TECRL: variants seen among roughly 807,000 people sequenced by gnomAD.
TECRL encodes the protein trans-2,3-enoyl-CoA reductase like.
In TECRL, 63 loss-of-function variants were observed where a neutral mutation model predicts 52.8. The observed-to-expected ratio is 1.19, with a 90% CI of 0.97 to 1.47. The LOEUF (loss-of-function observed/expected upper bound fraction) is 1.47. TECRL is among the 40% of genes most tolerant of loss of function. TECRL has a pLI of 0.00. For synonymous variants in TECRL, 164 were observed against 141.9 expected (o/e 1.16, Z -1.10); for missense variants, 482 against 429.6 (o/e 1.12, Z -1.08).
rs554149887 is a variant in TECRL, at chr4:64,281,257, C to G, written c.919-171G>C. Among the ~76,000 whole-genome samples, 4 of 151,796 alleles carry G rather than the reference C, an allele frequency of 2.6e-5. No homozygotes were observed. The South Asian group carries it at 8.3e-4, about 32-fold the overall frequency. On this transcript the variant is annotated intron_variant, in intron 10 of 11. Transcript: ENST00000381210. ...TTACATATAAAGTCATAAGCAATCT[C>G]ATTAAATGGGATCATATTTATAAGA...
At chr4:64,394,465 C>T (rs1347722360) in intron 1 of TECRL, among the ~76,000 whole-genome samples, 1 of 152,120 alleles carries the variant, frequency 6.6e-6, no homozygotes, top group Non-Finnish European at 1.5e-5. Flanking sequence ...GTAGAAAAGG[C>T]AGCCAAAGGT....
intron 3 of TECRL, among the ~76,000 whole-genome samples, chr4:64,323,961 T>C (rs1352961221): frequency 6.6e-6 from 1 of 152,134 alleles, no homozygotes; most frequent in African/African-American, 2.4e-5. Flanking sequence ...TGTGTGTAGA[T>C]ATTTGAAAGT....
intron 7 of TECRL, among the ~76,000 whole-genome samples, chr4:64,302,791 T>C (rs1377485018): frequency 2.0e-5 from 3 of 151,426 alleles, no homozygotes; most frequent in Non-Finnish European, 4.4e-5. Flanking sequence ...ATTGAAGTGT[T>C]TCATTTCATC....
chr4:64,308,096 G>T (rs1263885954), intron 6 of TECRL, among the ~76,000 whole-genome samples: 1 of 152,126 alleles, frequency 6.6e-6, no homozygotes, highest in Non-Finnish European at 1.5e-5. Flanking sequence ...GGCAGTTAGG[G>T]TTAACACTCC....
intron 2 of TECRL, among the ~76,000 whole-genome samples, chr4:64,356,165 C>A (rs1720755794): frequency 6.6e-6 from 1 of 152,160 alleles, no homozygotes; most frequent in Non-Finnish European, 1.5e-5. Context: ...GGGCACAATG[C>A]ACTGCAGAAA....
intron 4 of TECRL, among the ~76,000 whole-genome samples, chr4:64,317,437 C>A (rs1371210757): frequency 2.0e-5 from 3 of 151,224 alleles, no homozygotes; most frequent in African/African-American, 7.3e-5. Context: ...ATTATTAGGG[C>A]ATTGTTGGAT....
At chr4:64,326,885 G>A (rs114589468) in intron 3 of TECRL, among the ~76,000 whole-genome samples, 245 of 152,200 alleles carry the variant, frequency 1.6e-3, no homozygotes, top group African/African-American at 5.6e-3. Context: ...ATTCTAGTAC[G>A]TATATTTTGG....
chr4:64,333,226 C>A (rs576595665), intron 2 of TECRL, among the ~76,000 whole-genome samples: 126 of 151,672 alleles, frequency 8.3e-4, no homozygotes, highest in African/African-American at 3.0e-3. Context: ...AAATTAATGG[C>A]AATTAAATTA....
intron 1 of TECRL, among the ~76,000 whole-genome samples, chr4:64,389,069 T>G (rs1039078255): frequency 6.6e-6 from 1 of 151,936 alleles, no homozygotes; most frequent in African/African-American, 2.4e-5. Context: ...ACATGCCATC[T>G]TCAAAGACTT....
At position 64,289,696 on chromosome 4, in the gene TECRL, A is replaced by G; in HGVS notation, c.832+14T>C. 1 of 1,513,882 alleles carries G rather than the reference A, an allele frequency of 6.6e-7. No homozygotes were observed. The highest frequency in any genetic ancestry group is 2.6e-5 in the Admixed American group (1 of 38,542). The allele number at this position is 1,513,882 out of a possible 1,614,324, so 93.8% of individuals were successfully genotyped here. A position where few individuals can be genotyped will look rare whatever the true frequency, so the allele number is the denominator to read the frequency against. ...AATTCACTCTAAAGAAAAGAAAAAG[A>G]AAAAAGAACTAACCTGTGTGATTGG... On this transcript the variant is annotated intron_variant, in intron 9 of 11. Coordinates refer to ENST00000381210, the MANE Select transcript of TECRL (RefSeq NM_001010874.5).
chr4:64,323,853 G>A (rs1338432638), intron 3 of TECRL, among the ~76,000 whole-genome samples: 1 of 152,178 alleles, frequency 6.6e-6, no homozygotes, highest in Non-Finnish European at 1.5e-5. Flanking sequence ...GAAAAAGCAA[G>A]ATCTGAGGGT....
At chr4:64,401,161 CT>C (rs1185803742) in intron 1 of TECRL, among the ~76,000 whole-genome samples, 4 of 152,112 alleles carry the variant, frequency 2.6e-5, no homozygotes, top group African/African-American at 9.7e-5. Context: ...GATTTAATTT[CT>C]GAAAGGCAGA....
intron 8 of TECRL, among the ~76,000 whole-genome samples, chr4:64,296,973 T>A (rs981416591): frequency 6.6e-6 from 1 of 151,550 alleles, no homozygotes; most frequent in Non-Finnish European, 1.5e-5. Context: ...CAAATTGTGT[T>A]GAAAGTTAGA....
intron 2 of TECRL, among the ~76,000 whole-genome samples, chr4:64,373,689 T>G (rs1043502746): frequency 1.3e-5 from 2 of 151,668 alleles, no homozygotes; most frequent in East Asian, 3.9e-4. Flanking sequence ...AATCTTCTTG[T>G]TACACCTTTC....
intron 2 of TECRL, among the ~76,000 whole-genome samples, chr4:64,338,889 TCTAGAA>T (rs1719332517): frequency 6.6e-6 from 1 of 152,086 alleles, no homozygotes; most frequent in Non-Finnish European, 1.5e-5. Context: ...TCCTCAGGGA[TCTAGAA>T]CTAGAAATAC....
intron 3 of TECRL, among the ~76,000 whole-genome samples, chr4:64,326,209 G>T (rs984871624): frequency 6.6e-6 from 1 of 152,038 alleles, no homozygotes; most frequent in Non-Finnish European, 1.5e-5. Context: ...GTATTGCTTG[G>T]AAACAGTGAT....
chr4:64,313,324 C>G (rs1409371491), intron 5 of TECRL, among the ~76,000 whole-genome samples: 1 of 151,440 alleles, frequency 6.6e-6, no homozygotes, highest in Non-Finnish European at 1.5e-5. Flanking sequence ...ACAAATTTCC[C>G]TCCCCAGATC....
At chr4:64,339,446 A>G (rs1482968628) in intron 2 of TECRL, among the ~76,000 whole-genome samples, 2 of 137,950 alleles carry the variant, frequency 1.4e-5, no homozygotes. Context: ...TATAATAAAA[A>G]TATATATATA....
At chr4:64,366,616 AT>A (rs961555869) in intron 2 of TECRL, among the ~76,000 whole-genome samples, 25 of 152,108 alleles carry the variant, frequency 1.6e-4, no homozygotes, top group African/African-American at 5.8e-4. Context: ...GTTAATAGAC[AT>A]GTAAAAGATG....
Sources: allele counts gnomAD v4.1 joint callset (sites outside exome capture counted in the v4.1 genomes callset), GRCh38; gene constraint gnomAD v4.1.1; transcripts MANE v1.5; gene names NCBI Gene and HGNC (gene_info 2026-07-23, HGNC 2026-07-21).